Variants in GZMA observed in about 807,000 individuals in gnomAD.
The protein encoded by GZMA is CTL tryptase.
In GZMA, 17 loss-of-function variants were observed where a neutral mutation model predicts 21.1. The ratio of observed to expected loss-of-function variants is 0.81; its 90% CI spans 0.55 to 1.21. The LOEUF is 1.21. GZMA is among the 50% of genes most tolerant of loss of function. The pLI is 0.00. For missense variants in GZMA, 306 were observed against 315.9 expected, an observed-to-expected ratio of 0.97 and a Z score of 0.24; for synonymous variants, 90 against 107.8, an observed-to-expected ratio of 0.83 and a Z score of 1.03.
intron 1 of GZMA, among the ~76,000 whole-genome samples, chr5:55,102,978 A>T (rs1010098992): frequency 2.0e-5 from 3 of 152,034 alleles, no homozygotes; most frequent in Non-Finnish European, 4.4e-5. Flanking sequence ...GCTGGGCGAC[A>T]TAGTGAGACC....
At chr5:55,109,306 C>G (rs528493599) in intron 4 of GZMA, among the ~76,000 whole-genome samples, 2 of 152,208 alleles carry the variant, frequency 1.3e-5, no homozygotes, top group Non-Finnish European at 2.9e-5. Flanking sequence ...GAACCCAGAA[C>G]CTTCATGCTT....
In GZMA at chr5:55,103,103, A is replaced by G. The variant is rs367591762; in HGVS notation, c.70+351A>G. On this transcript the variant is annotated intron_variant, in intron 1 of 4. Coordinates refer to ENST00000274306, the MANE Select transcript of GZMA (RefSeq NM_006144.4). ...TTATTTTGCAAAAGATAGCAGAACC[A>G]CCAATGCTTATTGCTGCCAATTTGT... Among the ~76,000 whole-genome samples the G allele has an allele frequency of 4.6e-5, 7 of 152,086 alleles. No individual in the cohort carries two copies. The South Asian group carries it at 1.4e-3, about 31-fold the overall frequency.
Position 55,102,712 on chromosome 5 carries a change from C to T in GZMA, c.30C>T (p.Ser10=). The T allele has an allele frequency of 1.2e-6, 2 of 1,609,394 alleles. No homozygotes were observed. Among genetic ancestry groups the T allele is most frequent in the South Asian group, 2.2e-5 (2 of 91,002 alleles). Residue 10 remains serine, a synonymous_variant, in exon 1 of 5, where the codon TCC becomes TCT. Coordinates refer to ENST00000274306, the MANE Select transcript of GZMA (RefSeq NM_006144.4). ...GGAACTCCTATAGATTTCTGGCATC[C>T]TCTCTCTCAGTTGTCGTTTCTCTCC... The part of the protein sequence containing the change: MRNSYRFLA[S]SLSVVVSLLL...
chr5:55,109,714 GC>G (rs1444880144), intron 4 of GZMA, among the ~76,000 whole-genome samples: 2 of 152,150 alleles, frequency 1.3e-5, no homozygotes. Flanking sequence ...GAGTTATTAA[GC>G]ATTTTGAGAA....
At chr5:55,108,425 A>AT (rs752730777) in intron 4 of GZMA, 31 bp downstream of exon 4, 25 of 1,573,758 alleles carry the variant, frequency 1.6e-5, no homozygotes, top group Non-Finnish European at 2.1e-5. Context: ...CGTTTCAGCT[A>AT]TTGAATTAAG....
chr5:55,108,298 A>AGG lies in GZMA; in HGVS notation c.532_533insGG (p.Val178GlyfsTer14). The AGG allele has an allele frequency of 1.2e-6, 2 of 1,613,252 alleles. No individual in the cohort carries two copies. Among genetic ancestry groups the AGG allele is most frequent in the Non-Finnish European group, 1.7e-6 (2 of 1,179,208 alleles). Reference sequence around the variant, plus strand: ...TCAATATCACCATCATAGACAGAAAAGTCTGCAATGATCGAAATCACTATA... The same window carrying AGG: ...TCAATATCACCATCATAGACAGAAAAGGGTCTGCAATGATCGAAATCACTATA... On this transcript the variant is annotated frameshift_variant, in exon 4 of 5. Coordinates refer to ENST00000274306, the MANE Select transcript of GZMA (RefSeq NM_006144.4). LOFTEE classifies it high-confidence loss of function.
chr5:55,104,468 T>C (rs1742351363), intron 1 of GZMA, among the ~76,000 whole-genome samples: 1 of 152,182 alleles, frequency 6.6e-6, no homozygotes, highest in Non-Finnish European at 1.5e-5. Flanking sequence ...ATGTGGTCAC[T>C]CTCCTCCTTG....
At position 55,108,311 on chromosome 5, in the gene GZMA, C is replaced by T. The variant is rs368948899; in HGVS notation, c.544C>T (p.Arg182Ter). 7 of 1,612,552 alleles carry T rather than the reference C, an allele frequency of 4.3e-6. No individual in the cohort carries two copies. The East Asian group carries it at 6.7e-5, about 15-fold the overall frequency. The change falls in exon 4 of 5, where the codon CGA becomes TGA. Residue 182 changes from arginine (R) to a stop codon, truncating the protein, a stop_gained. Coordinates refer to ENST00000274306, the MANE Select transcript of GZMA (RefSeq NM_006144.4). LOFTEE classifies it high-confidence loss of function. The stretch of plus-strand genomic sequence containing the variant: ...CATAGACAGAAAAGTCTGCAATGAT[C>T]GAAATCACTATAATTTTAACCCTGT... ...TIIDRKVCND[R>*]NHYNFNPVIG...
intron 2 of GZMA, among the ~76,000 whole-genome samples, chr5:55,106,281 T>A (rs192619113): frequency 9.6e-5 from 1 of 10,418 alleles, no homozygotes; most frequent in Non-Finnish European, 2.5e-4. Flanking sequence ...TAAAATAAAA[T>A]AAAATAAAAT....
intron 4 of GZMA, 67 bp downstream of exon 4, chr5:55,108,461 T>A: frequency 7.5e-7 from 1 of 1,336,150 alleles, no homozygotes; most frequent in Admixed American, 1.9e-5. Flanking sequence ...AAATGTAATG[T>A]CATGCTTTGT....
At chr5:55,105,644 A>AC in intron 2 of GZMA, 26 bp downstream of exon 2, 1 of 1,596,018 alleles carries the variant, frequency 6.3e-7, no homozygotes, top group Non-Finnish European at 8.6e-7. Flanking sequence ...TTTAAAAAAA[A>AC]GTTTGTAAAG....
At chr5:55,109,592 A>G (rs1405775872) in intron 4 of GZMA, among the ~76,000 whole-genome samples, 10 of 152,206 alleles carry the variant, frequency 6.6e-5, no homozygotes, top group Non-Finnish European at 4.4e-5. Context: ...CCTGAAAGGG[A>G]CTGATTTGGT....
rs3804257 is a variant in GZMA at position 55,104,133 on chromosome 5, C to T, written c.71-1341C>T. ...TGACTATATTCAGGCATGTTAAATC[C>T]TCCATAACAGAAAAACACAGGGCAG... On this transcript the variant is annotated intron_variant, in intron 1 of 4. Transcript: ENST00000274306. Among the ~76,000 whole-genome samples the T allele has an allele frequency of 1.4e-4, 22 of 152,292 alleles. No homozygotes were observed. In the East Asian group the frequency reaches 4.0e-3, roughly 28 times the overall value.
intron 2 of GZMA, among the ~76,000 whole-genome samples, chr5:55,106,679 C>T (rs1045943604): frequency 2.6e-5 from 4 of 152,172 alleles, no homozygotes; most frequent in African/African-American, 4.8e-5. Context: ...TGTATGCCTC[C>T]GTGAATTCCT....
chr5:55,109,282 C>A (rs1224127545), intron 4 of GZMA, among the ~76,000 whole-genome samples: 1 of 152,216 alleles, frequency 6.6e-6, no homozygotes, highest in African/African-American at 2.4e-5. Flanking sequence ...TTGTCCACCA[C>A]CCTGGGTTCC....
At chr5:55,109,462 T>C (rs1374372032) in intron 4 of GZMA, among the ~76,000 whole-genome samples, 1 of 152,186 alleles carries the variant, frequency 6.6e-6, no homozygotes, top group Non-Finnish European at 1.5e-5. Context: ...GAATTAAACC[T>C]AAAGGACTAA....
intron 1 of GZMA, among the ~76,000 whole-genome samples, chr5:55,104,288 T>C (rs191631924): frequency 2.0e-5 from 3 of 152,328 alleles, no homozygotes; most frequent in African/African-American, 7.2e-5. Flanking sequence ...CAAGGCACAG[T>C]TGAAATCTAT....
rs574623293 is a variant in GZMA at position 55,102,932 on chromosome 5, T to TG, written c.70+182dup. ...GTCCCAGCTACTAGGAACGCTGAGGTGGAAGGATCACTTGAGCGCAGGAGT... is the reference window on the plus strand; with the variant it reads ...GTCCCAGCTACTAGGAACGCTGAGGTGGGAAGGATCACTTGAGCGCAGGAGT... On this transcript the variant is annotated intron_variant, in intron 1 of 4. Transcript: ENST00000274306. Among the ~76,000 whole-genome samples, 540 of 151,924 alleles carry TG rather than the reference T, an allele frequency of 3.6e-3. 3 individuals carry two copies. Among genetic ancestry groups the TG allele is most frequent in the African/African-American group, 0.013 (518 of 41,420 alleles).
Position 55,108,303 on chromosome 5 carries a change from G to A in GZMA, c.536G>A (p.Cys179Tyr). 1 of 1,612,916 alleles carries A rather than the reference G, an allele frequency of 6.2e-7. No homozygotes were observed. Among genetic ancestry groups the A allele is most frequent in the Admixed American group, 1.7e-5 (1 of 60,008 alleles). ...ATCACCATCATAGACAGAAAAGTCT[G>A]CAATGATCGAAATCACTATAATTTT... is the stretch of plus-strand genomic sequence containing the variant. Reference protein sequence around the residue: ...VNITIIDRKVCNDRNHYNFNP... With the variant: ...VNITIIDRKVYNDRNHYNFNP... Residue 179 changes from cysteine (C) to tyrosine (Y), a missense_variant, in exon 4 of 5, where the codon TGC becomes TAC. By Grantham distance (194) the Cys-to-Tyr change is radical (BLOSUM62 -2). Transcript: ENST00000274306.
Sources: allele counts gnomAD v4.1 joint callset (sites outside exome capture counted in the v4.1 genomes callset), GRCh38; gene constraint gnomAD v4.1.1; transcripts MANE v1.5; gene names NCBI Gene and HGNC (gene_info 2026-07-23, HGNC 2026-07-21).